The following CHN1 variants were observed in gnomAD, a reference collection of about 807,000 sequenced individuals.
CHN1 encodes the protein N-chimaerin.
CHN1 carries 37 observed loss-of-function variants against 59.5 expected under a neutral mutation model. The ratio of observed to expected loss-of-function variants is 0.62; its 90% CI spans 0.48 to 0.82. CHN1 has a LOEUF of 0.82. Ranked by LOEUF, CHN1 falls within the 40% of genes least tolerant of loss-of-function variation. The probability of loss-of-function intolerance (pLI) is 0.00; values close to 1 mark genes in which losing one functional copy is unlikely to be tolerated. For missense variants in CHN1, 469 were observed against 571.0 expected (o/e 0.82, Z 1.82); for synonymous variants, 206 against 200.4 (o/e 1.03, Z -0.24).
intron 6 of CHN1, among the ~76,000 whole-genome samples, chr2:174,859,468 C>T (rs1481414075): frequency 6.6e-6 from 1 of 152,024 alleles, no homozygotes; most frequent in East Asian, 1.9e-4. Context: ...TTTAATAATC[C>T]GGTACTAATT....
At chr2:174,961,122 A>AAGGAAGGGAGGAAGGGAAGGGAGGG (rs1558999339) in intron 1 of CHN1, among the ~76,000 whole-genome samples, 1 of 124,952 alleles carries the variant, frequency 8.0e-6, no homozygotes, top group Non-Finnish European at 1.7e-5. Context: ...TGACGGAGGG[A>AAGGAAGGGAGGAAGGGAAGGGAGGG]AGGAAGGAAG....
chr2:174,826,365 G>A (rs1338647034), intron 7 of CHN1, among the ~76,000 whole-genome samples: 1 of 152,172 alleles, frequency 6.6e-6, no homozygotes, highest in Admixed American at 6.5e-5. Context: ...AGTGAAGTAG[G>A]CAGTGCTGAT....
rs1686539254 is a variant in CHN1 at position 174,846,960 on chromosome 2, G to A, written c.550-3C>T. On this transcript the variant is annotated splice_region_variant and splice_polypyrimidine_tract_variant and intron_variant, in intron 6 of 12. Transcript: ENST00000409900. ...GCTCTTCTAACAAGTGATGTCAACT[G>A]CGAATAAGCAAAGAGTTTCAGAGGT... 6.4e-7 allele frequency: 1 copy of A among 1,553,646 alleles called. No homozygotes were observed. Among genetic ancestry groups the A allele is most frequent in the Non-Finnish European group, 8.7e-7 (1 of 1,147,740 alleles).
In CHN1 at chr2:174,915,047, C is replaced by A; in HGVS notation, c.260+11G>T. On this transcript the variant is annotated intron_variant, in intron 5 of 12. Transcript: ENST00000409900. ...ATAAAGCACAGTAGTAATTGCAGGC[C>A]CATGACCAACCTTAAAGCCAAAGTG... 6.3e-7 allele frequency: 1 copy of A among 1,576,260 alleles called. No individual in the cohort carries two copies. Among genetic ancestry groups the A allele is most frequent in the South Asian group, 1.1e-5 (1 of 87,970 alleles).
rs374437666 is a variant in CHN1, at chr2:174,895,213, T to TACAC, written c.261-17089_261-17086dup. On this transcript the variant is annotated intron_variant, in intron 5 of 12. Coordinates refer to ENST00000409900, the MANE Select transcript of CHN1 (RefSeq NM_001822.7). ...GTGTGTGTGTGTATATATATATATATACACACACACACACACACACACACA... is the reference window on the plus strand; with the variant it reads ...GTGTGTGTGTGTATATATATATATATACACACACACACACACACACACACACACA... Among the ~76,000 whole-genome samples, 399 of 142,460 alleles carry TACAC rather than the reference T, an allele frequency of 2.8e-3. 1 individual carries two copies. The highest frequency in any genetic ancestry group is 7.8e-3 in the African/African-American group (297 of 38,238). 93.5% of individuals were successfully genotyped at this position (142,460 alleles called of 152,430 possible). A position where few individuals can be genotyped will look rare whatever the true frequency, so the allele number is the denominator to read the frequency against.
intron 1 of CHN1, among the ~76,000 whole-genome samples, chr2:174,970,754 A>G (rs760643569): frequency 6.6e-6 from 1 of 152,346 alleles, no homozygotes; most frequent in African/African-American, 2.4e-5. Flanking sequence ...CAAAGTCTAC[A>G]TTGCAATTGA....
intron 1 of CHN1, among the ~76,000 whole-genome samples, chr2:174,974,294 C>T (rs1690850860): frequency 6.6e-6 from 1 of 152,162 alleles, no homozygotes; most frequent in Non-Finnish European, 1.5e-5. Flanking sequence ...CAGCTGTGAA[C>T]AAGCATTTTG....
chr2:174,972,672 CCTCA>C (rs1458164782), intron 1 of CHN1, among the ~76,000 whole-genome samples: 1 of 152,110 alleles, frequency 6.6e-6, no homozygotes, highest in Admixed American at 6.5e-5. Context: ...GAACTGTCCT[CCTCA>C]CTCACTCTAT....
At chr2:174,967,996 A>T (rs1489263795) in intron 1 of CHN1, among the ~76,000 whole-genome samples, 1 of 152,156 alleles carries the variant, frequency 6.6e-6, no homozygotes, top group African/African-American at 2.4e-5. Context: ...GCGGATTCAC[A>T]GGATTTTCCA....
rs575203212 is a variant in CHN1 at position 174,899,659 on chromosome 2, C to T, written c.260+15399G>A. On this transcript the variant is annotated intron_variant, in intron 5 of 12. Transcript: ENST00000409900. ...CAGAAAAAGTTTGCCAACACCTGAT[C>T]TATGTGCTTAGCCATGTCTTTTTGA... Among the ~76,000 whole-genome samples the T allele has an allele frequency of 3.8e-4, 58 of 152,302 alleles. No individual in the cohort carries two copies. In the South Asian group the frequency reaches 0.011, roughly 30 times the overall value.
chr2:174,903,955 T>C (rs1423693240), intron 5 of CHN1, among the ~76,000 whole-genome samples: 1 of 152,140 alleles, frequency 6.6e-6, no homozygotes, highest in Non-Finnish European at 1.5e-5. Flanking sequence ...ATTACTAAAA[T>C]GGCATTGATT....
rs570134879 is a variant in CHN1 at position 174,866,432 on chromosome 2, T to A, written c.549+11408A>T. On this transcript the variant is annotated intron_variant, in intron 6 of 12. Coordinates refer to ENST00000409900, the MANE Select transcript of CHN1 (RefSeq NM_001822.7). ...TTATAATCAATGTCTGTATGATTTT[T>A]AAAAATAAAACACAGAAAAAACCCA... 1.3e-3 allele frequency among the ~76,000 whole-genome samples: 203 copies of A among 152,288 alleles called. 1 individual carries two copies. The highest frequency in any genetic ancestry group is 4.5e-3 in the African/African-American group (189 of 41,574).
Position 174,878,079 on chromosome 2 carries a change from A to C in CHN1, c.310T>G (p.Phe104Val). Residue 104 changes from phenylalanine (F) to valine (V), a missense_variant, in exon 6 of 13, where the codon TTT becomes GTT. Coordinates refer to ENST00000409900, the MANE Select transcript of CHN1 (RefSeq NM_001822.7). Reference protein sequence around the residue: ...NFRLYYDGKHFVGEKRFESIH... With the variant: ...NFRLYYDGKHVVGEKRFESIH... Reference sequence around the variant, plus strand: ...GACTCAAAGCGTTTCTCCCCAACAAAGTGCTTGCCATCGTAGTAGAGCCTG... The same window carrying C: ...GACTCAAAGCGTTTCTCCCCAACAACGTGCTTGCCATCGTAGTAGAGCCTG... 6.2e-7 allele frequency: 1 copy of C among 1,610,852 alleles called. No individual in the cohort carries two copies. Among genetic ancestry groups the C allele is most frequent in the South Asian group, 1.1e-5 (1 of 90,472 alleles).
chr2:174,957,195 G>C lies in CHN1; in HGVS notation c.20-4993C>G, dbSNP rs201924527. 5.3e-5 allele frequency among the ~76,000 whole-genome samples: 8 copies of C among 152,238 alleles called. No individual in the cohort carries two copies. In the East Asian group the frequency reaches 1.5e-3, roughly 29 times the overall value. On this transcript the variant is annotated intron_variant, in intron 1 of 12. Coordinates refer to ENST00000409900, the MANE Select transcript of CHN1 (RefSeq NM_001822.7). ...CACTGTCTAGACAGCACTTTAGCAC[G>C]AGGCTTGGGGACCATTTTAAATGGC...
At chr2:174,863,322 AG>A (rs758933426) in intron 6 of CHN1, among the ~76,000 whole-genome samples, 48 of 152,314 alleles carry the variant, frequency 3.2e-4, no homozygotes, top group Non-Finnish European at 5.3e-4. Flanking sequence ...GCTATTAATA[AG>A]GTTTCAGACT....
intron 3 of CHN1, among the ~76,000 whole-genome samples, chr2:174,941,853 T>C (rs1689675718): frequency 6.6e-6 from 1 of 152,182 alleles, no homozygotes; most frequent in South Asian, 2.1e-4. Context: ...TTAGAATATT[T>C]CTGAGTTTGT....
intron 5 of CHN1, among the ~76,000 whole-genome samples, chr2:174,910,671 G>T (rs1688669158): frequency 6.6e-6 from 1 of 152,062 alleles, no homozygotes; most frequent in African/African-American, 2.4e-5. Flanking sequence ...TTCTGAATGG[G>T]TTATGATTGC....
At chr2:174,843,070 C>T (rs762299081) in intron 7 of CHN1, among the ~76,000 whole-genome samples, 13 of 152,074 alleles carry the variant, frequency 8.5e-5, no homozygotes, top group Non-Finnish European at 1.2e-4. Flanking sequence ...TAGCTTCTGT[C>T]GTTATTATAA....
At chr2:174,867,553 T>G (rs1042405220) in intron 6 of CHN1, among the ~76,000 whole-genome samples, 1 of 152,184 alleles carries the variant, frequency 6.6e-6, no homozygotes, top group South Asian at 2.1e-4. Context: ...TTAAGTTTCT[T>G]TTTTTGTATT....
Sources: allele counts gnomAD v4.1 joint callset (sites outside exome capture counted in the v4.1 genomes callset), GRCh38; gene constraint gnomAD v4.1.1; transcripts MANE v1.5; gene names NCBI Gene and HGNC (gene_info 2026-07-23, HGNC 2026-07-21).